Variants in BATF3 observed in about 807,000 individuals in gnomAD.
BATF3 encodes basic leucine zipper transcriptional factor ATF-like 3.
BATF3 carries 8 observed loss-of-function variants against 16.1 expected under a neutral mutation model. The observed-to-expected ratio is 0.50, with a 90% confidence interval of 0.29 to 0.90. The LOEUF (loss-of-function observed/expected upper bound fraction) is 0.90. Ranked by LOEUF, BATF3 falls within the 40% of genes least tolerant of loss-of-function variation. The pLI is 0.08. For synonymous variants in BATF3, 74 were observed against 72.7 expected (o/e 1.02, Z -0.09); for missense variants, 139 against 167.0 (o/e 0.83, Z 0.92).
At position 212,699,796 on chromosome 1, in the gene BATF3, C is replaced by CG. The variant is rs1218334426; in HGVS notation, c.-35_-34insC. On this transcript the variant is annotated 5_prime_UTR_variant, in exon 1 of 3. Coordinates refer to ENST00000243440, the MANE Select transcript of BATF3 (RefSeq NM_018664.3). The surrounding 1 kb of genome is among the most constrained non-coding windows in gnomAD (Gnocchi z 4.4). ...CTCCTCTGGCCCGGCCCGCCCCGCC[C>CG]CGCCCGCGCGCCCTGCCCGTGGGGC... The CG allele has an allele frequency of 1.4e-4, 168 of 1,165,718 alleles. No individual in the cohort carries two copies. Among genetic ancestry groups the CG allele is most frequent in the Non-Finnish European group, 1.6e-4 (154 of 945,014 alleles). 72.2% of individuals were successfully genotyped at this position (1,165,718 alleles called of 1,614,324 possible). A position where few individuals can be genotyped will look rare whatever the true frequency, so the allele number is the denominator to read the frequency against.
chr1:212,687,918 T>C (rs1656885972), intron 2 of BATF3, among the ~76,000 whole-genome samples: 1 of 109,398 alleles, frequency 9.1e-6, no homozygotes, highest in African/African-American at 3.6e-5. Context: ...CAGAGAAAGA[T>C]CCCAACTCAA....
chr1:212,693,395 C>T (rs1558020768), intron 2 of BATF3, among the ~76,000 whole-genome samples: 1 of 152,168 alleles, frequency 6.6e-6, no homozygotes, highest in African/African-American at 2.4e-5. Context: ...GGCTACAGCT[C>T]TGGGGTCTGT....
At chr1:212,694,164 G>A (rs1353410354) in intron 2 of BATF3, among the ~76,000 whole-genome samples, 1 of 152,148 alleles carries the variant, frequency 6.6e-6, no homozygotes, top group Admixed American at 6.5e-5. Flanking sequence ...TGAAGCCTCT[G>A]GAAGCTGGGA....
rs762237765 is a variant in BATF3, at chr1:212,696,926, G to C, written c.195+35C>G. On this transcript the variant is annotated intron_variant, in intron 2 of 2. Transcript: ENST00000243440. ...CTCCCGTGCAAGGCAGAGGCTGTGT[G>C]GCTCTAAGGTGGCTTGCCCCTACCA... The C allele has an allele frequency of 5.9e-6, 9 of 1,524,352 alleles. No homozygotes were observed. In the African/African-American group the frequency reaches 8.2e-5, roughly 14 times the overall value. The allele number at this position is 1,524,352 out of a possible 1,614,324, so 94.4% of individuals were successfully genotyped here.
intron 2 of BATF3, among the ~76,000 whole-genome samples, chr1:212,692,393 CA>C (rs1016265537): frequency 2.0e-4 from 31 of 151,434 alleles, no homozygotes; most frequent in Admixed American, 2.0e-3. Context: ...GACGAAAGAG[CA>C]AAAAAAACCC....
intron 2 of BATF3, among the ~76,000 whole-genome samples, chr1:212,692,059 G>A (rs1290240245): frequency 2.0e-5 from 3 of 152,182 alleles, no homozygotes; most frequent in Admixed American, 6.5e-5. Context: ...AAAACTCTGC[G>A]TGAAGGGGAA....
At chr1:212,697,934 G>T (rs1657170848) in intron 1 of BATF3, 1 of 152,038 alleles carries the variant, frequency 6.6e-6, no homozygotes, top group Non-Finnish European at 1.5e-5. Context: ...AGAGCCAAGA[G>T]GTACAAACAA....
Position 212,699,770 on chromosome 1 carries a change from G to A in BATF3, c.-8C>T. ...CGGGAGCCCTTGCGACATGCCGGGCGCTCCTCTGGCCCGGCCCGCCCCGCC... is the reference window on the plus strand; with the variant it reads ...CGGGAGCCCTTGCGACATGCCGGGCACTCCTCTGGCCCGGCCCGCCCCGCC... On this transcript the variant is annotated 5_prime_UTR_variant, in exon 1 of 3. Coordinates refer to ENST00000243440, the MANE Select transcript of BATF3 (RefSeq NM_018664.3). The surrounding 1 kb of genome is among the most constrained non-coding windows in gnomAD (Gnocchi z 4.4). 2 of 1,258,056 alleles carry A rather than the reference G, an allele frequency of 1.6e-6. No individual in the cohort carries two copies. The highest frequency in any genetic ancestry group is 1.0e-6 in the Non-Finnish European group (1 of 998,478). The allele number at this position is 1,258,056 out of a possible 1,614,324, so 77.9% of individuals were successfully genotyped here.
rs1379500549 is a variant in BATF3, at chr1:212,689,975, CACAT to C, written c.196-3000_196-2997del. ...TCACACAAACACTCTCACAGTCACA[CACAT>C]ACAGTCATACACACATACATACACC... On this transcript the variant is annotated intron_variant, in intron 2 of 2. Transcript: ENST00000243440. The surrounding 1 kb of genome is among the most constrained non-coding windows in gnomAD (Gnocchi z 4.6). Among the ~76,000 whole-genome samples the C allele has an allele frequency of 3.5e-4, 53 of 151,958 alleles. No individual in the cohort carries two copies. The highest frequency in any genetic ancestry group is 5.2e-4 in the Non-Finnish European group (35 of 67,924).
chr1:212,689,928 CA>C lies in BATF3; in HGVS notation c.196-2950del, dbSNP rs1656961586. Among the ~76,000 whole-genome samples, 1 of 151,246 alleles carries C rather than the reference CA, an allele frequency of 6.6e-6. No individual in the cohort carries two copies. The highest frequency in any genetic ancestry group is 2.1e-4 in the South Asian group (1 of 4,808). On this transcript the variant is annotated intron_variant, in intron 2 of 2. Coordinates refer to ENST00000243440, the MANE Select transcript of BATF3 (RefSeq NM_018664.3). This position sits in a 1 kb window ranked among gnomAD's most constrained non-coding sequence, Gnocchi z 4.6. ...ATACCCAGCCACAGACACTCTCACA[CA>C]CATACACAATCAACACACAGTCACA...
At chr1:212,687,665 C>T (rs1025870691) in intron 2 of BATF3, among the ~76,000 whole-genome samples, 1 of 152,090 alleles carries the variant, frequency 6.6e-6, no homozygotes. Context: ...GTGACTCATG[C>T]CTGTAATCTC....
intron 2 of BATF3, among the ~76,000 whole-genome samples, chr1:212,692,119 C>T (rs1657014231): frequency 6.6e-6 from 1 of 152,222 alleles, no homozygotes; most frequent in Non-Finnish European, 1.5e-5. Context: ...TTCCCCCATT[C>T]TCCCCTCCAC....
At position 212,699,743 on chromosome 1, in the gene BATF3, G is replaced by A; in HGVS notation, c.20C>T (p.Ala7Val). 3.1e-6 allele frequency: 4 copies of A among 1,297,290 alleles called. No individual in the cohort carries two copies. The highest frequency in any genetic ancestry group is 3.5e-5 in the Admixed American group (1 of 28,226). The allele number at this position is 1,297,290 out of a possible 1,614,324, so 80.4% of individuals were successfully genotyped here. The change falls in exon 1 of 3, where the codon GCC (alanine) becomes GTC (valine). Residue 7 changes from alanine (A) to valine (V), a missense_variant. By Grantham distance (64) the Ala-to-Val change is moderately conservative (BLOSUM62 0). Coordinates refer to ENST00000243440, the MANE Select transcript of BATF3 (RefSeq NM_018664.3). The surrounding 1 kb of genome is among the most constrained non-coding windows in gnomAD (Gnocchi z 4.4). MSQGLP[A>V]AGSVLQRSVA... is the part of the protein sequence containing the mutation. ...GCTCCTCTGCAGGACGCTGCCGGCG[G>A]CCGGGAGCCCTTGCGACATGCCGGG...
intron 2 of BATF3, among the ~76,000 whole-genome samples, chr1:212,690,297 C>T (rs891977273): frequency 6.6e-5 from 10 of 152,340 alleles, no homozygotes; most frequent in African/African-American, 1.7e-4. Context: ...GGAAGCCGTG[C>T]GCAGCCCTGT....
chr1:212,697,101 C>T (rs1162892519), intron 1 of BATF3, 36 bp from the exon 2 acceptor site: 3 of 1,549,654 alleles, frequency 1.9e-6, no homozygotes, highest in Non-Finnish European at 2.7e-6. Flanking sequence ...GATGTCGTGG[C>T]CCCTCGCCTT....
At chr1:212,697,321 C>T (rs990223485) in intron 1 of BATF3, 1 of 362,474 alleles carries the variant, frequency 2.8e-6, no homozygotes, top group South Asian at 4.0e-5. Flanking sequence ...GGACCTTGCT[C>T]CAGGTATTAC....
intron 2 of BATF3, among the ~76,000 whole-genome samples, 168 bp downstream of exon 2, chr1:212,696,793 T>C (rs1484084662): frequency 1.3e-5 from 2 of 152,026 alleles, no homozygotes; most frequent in African/African-American, 4.8e-5. Flanking sequence ...GAGGGAGAAA[T>C]GAACACGTCC....
Position 212,686,538 on chromosome 1 carries a change from G to C in BATF3, c.*253C>G. 1 of 509,222 alleles carries C rather than the reference G, an allele frequency of 2.0e-6. No individual in the cohort carries two copies. Among genetic ancestry groups the C allele is most frequent in the Non-Finnish European group, 3.5e-6 (1 of 288,146 alleles). 31.5% of individuals were successfully genotyped at this position (509,222 alleles called of 1,614,324 possible). The stretch of plus-strand genomic sequence containing the variant: ...CTCTGCATAACAGCAGAACCTACTA[G>C]CTGCCAGGGTGGATGAGAAGTCACT... On this transcript the variant is annotated 3_prime_UTR_variant, in exon 3 of 3. Coordinates refer to ENST00000243440, the MANE Select transcript of BATF3 (RefSeq NM_018664.3).
chr1:212,699,627 C>G lies in BATF3; in HGVS notation c.90+46G>C, dbSNP rs1029448630. On this transcript the variant is annotated intron_variant, in intron 1 of 2. Coordinates refer to ENST00000243440, the MANE Select transcript of BATF3 (RefSeq NM_018664.3). This position sits in a 1 kb window ranked among gnomAD's most constrained non-coding sequence, Gnocchi z 4.4. Reference sequence around the variant, plus strand: ...CCACCTCCTCGCCCCCCGCGGCGCGCCGGTCCCCGCACCCCACGGCCCTCC... The same window carrying G: ...CCACCTCCTCGCCCCCCGCGGCGCGGCGGTCCCCGCACCCCACGGCCCTCC... The G allele has an allele frequency of 8.0e-7, 1 of 1,253,270 alleles. No individual in the cohort carries two copies. Among genetic ancestry groups the G allele is most frequent in the Non-Finnish European group, 1.0e-6 (1 of 995,346 alleles). 77.6% of individuals were successfully genotyped at this position (1,253,270 alleles called of 1,614,324 possible).
Sources: gnomAD v4.1 joint callset for allele counts (sites outside exome capture counted in the v4.1 genomes callset) on GRCh38, gnomAD v4.1.1 for gene constraint, Gnocchi (gnomAD v3.1) non-coding constraint, MANE v1.5 for transcripts, NCBI Gene and HGNC (gene_info 2026-07-23, HGNC 2026-07-21) for gene names.